PAK5: variants seen among roughly 807,000 people sequenced by gnomAD.
PAK5 encodes the protein serine/threonine-protein kinase PAK 5.
In PAK5, 16 loss-of-function variants were observed where a neutral mutation model predicts 65.9. The ratio of observed to expected loss-of-function variants is 0.24; its 90% CI spans 0.16 to 0.37. The LOEUF (loss-of-function observed/expected upper bound fraction) is 0.37, where lower values mean the gene tolerates loss of function less well. Ranked by LOEUF, PAK5 falls within the 10% of genes least tolerant of loss-of-function variation. The pLI is 1.00. For synonymous variants in PAK5, 371 were observed against 354.9 expected, an observed-to-expected ratio of 1.05 and a Z score of -0.51; for missense variants, 785 against 903.9, an observed-to-expected ratio of 0.87 and a Z score of 1.69.
At chr20:9,556,324 C>T (rs1446930806) in intron 7 of PAK5, among the ~76,000 whole-genome samples, 8 of 152,204 alleles carry the variant, frequency 5.3e-5, no homozygotes, top group Non-Finnish European at 4.4e-5. Context: ...GTCTTATCCT[C>T]TATACTTTTC....
intron 1 of PAK5, among the ~76,000 whole-genome samples, chr20:9,757,050 A>G (rs1465584436): frequency 6.6e-6 from 1 of 152,150 alleles, no homozygotes; most frequent in Non-Finnish European, 1.5e-5. Context: ...AGGATTGAGC[A>G]CCAGTTGTCC....
intron 3 of PAK5, among the ~76,000 whole-genome samples, chr20:9,614,155 A>G (rs2046612939): frequency 6.6e-6 from 1 of 152,238 alleles, no homozygotes; most frequent in South Asian, 2.1e-4. Context: ...TCAAAGTTCT[A>G]AGAAAGAATA....
intron 1 of PAK5, among the ~76,000 whole-genome samples, chr20:9,736,262 G>T (rs2048388603): frequency 6.6e-6 from 1 of 152,094 alleles, no homozygotes; most frequent in Non-Finnish European, 1.5e-5. Context: ...AACAACATAT[G>T]ACCAACCTGT....
intron 4 of PAK5, among the ~76,000 whole-genome samples, chr20:9,574,391 CTTCAAACTCA>C (rs1056558955): frequency 3.3e-5 from 5 of 152,262 alleles, no homozygotes; most frequent in African/African-American, 1.2e-4. Context: ...ACAGTTGCTG[CTTCAAACTCA>C]AAGAATGTGT....
chr20:9,746,210 C>T lies in PAK5; in HGVS notation c.-161-34775G>A, dbSNP rs1236806211. Reference sequence around the variant, plus strand: ...TCATACAGCCATAGCCCTGCCCTGCCCCACACACCCTGGACACCTGTCTCT... The same window carrying T: ...TCATACAGCCATAGCCCTGCCCTGCTCCACACACCCTGGACACCTGTCTCT... On this transcript the variant is annotated intron_variant, in intron 1 of 9. Coordinates refer to ENST00000353224, the MANE Select transcript of PAK5 (RefSeq NM_177990.4). Among the ~76,000 whole-genome samples, 5 of 151,950 alleles carry T rather than the reference C, an allele frequency of 3.3e-5. No homozygotes were observed. In the South Asian group the frequency reaches 1.0e-3, roughly 31 times the overall value.
intron 1 of PAK5, among the ~76,000 whole-genome samples, chr20:9,715,884 C>T (rs193301645): frequency 6.9e-5 from 6 of 87,436 alleles, no homozygotes; most frequent in East Asian, 3.7e-4. Context: ...CATCATACAC[C>T]GGGGCCTGTT....
At chr20:9,628,083 T>C (rs1403158777) in intron 3 of PAK5, among the ~76,000 whole-genome samples, 3 of 152,236 alleles carry the variant, frequency 2.0e-5, no homozygotes, top group African/African-American at 7.2e-5. Context: ...AATATTGTTC[T>C]CTTCTTAAAA....
intron 2 of PAK5, among the ~76,000 whole-genome samples, chr20:9,665,151 C>A (rs2047399708): frequency 7.2e-6 from 1 of 138,988 alleles, no homozygotes; most frequent in Admixed American, 8.1e-5. Flanking sequence ...AACTCCTGGG[C>A]TCAAGAGATC....
intron 1 of PAK5, among the ~76,000 whole-genome samples, chr20:9,754,458 G>A (rs2423464): frequency 2.8e-4 from 43 of 151,824 alleles, no homozygotes; most frequent in Non-Finnish European, 5.3e-4. Context: ...ACCAGATGAA[G>A]TAATTTACTG....
rs555031481 is a variant in PAK5 at position 9,620,572 on chromosome 20, G to A, written c.204+23553C>T. Among the ~76,000 whole-genome samples the A allele has an allele frequency of 1.3e-4, 20 of 152,296 alleles. 1 individual carries two copies. The highest frequency in any genetic ancestry group is 9.8e-4 in the Admixed American group (15 of 15,296). On this transcript the variant is annotated intron_variant, in intron 3 of 9. Transcript: ENST00000353224. ...TCCACCTGGATGGGGAAGAGGTTGC[G>A]CTCTAGCTGCTCATGGGTGGACAGC...
chr20:9,611,841 G>C (rs893227132), intron 3 of PAK5, among the ~76,000 whole-genome samples: 1 of 152,220 alleles, frequency 6.6e-6, no homozygotes, highest in African/African-American at 2.4e-5. Context: ...CTGGGAATCA[G>C]ACAGAGGTGG....
At chr20:9,655,526 T>C (rs1291503257) in intron 2 of PAK5, among the ~76,000 whole-genome samples, 1 of 151,676 alleles carries the variant, frequency 6.6e-6, no homozygotes, top group Non-Finnish European at 1.5e-5. Flanking sequence ...AAAGTCTCCA[T>C]AGCATTTTAT....
intron 1 of PAK5, among the ~76,000 whole-genome samples, chr20:9,819,617 C>T (rs952989926): frequency 5.3e-5 from 8 of 151,976 alleles, no homozygotes; most frequent in Admixed American, 2.0e-4. Context: ...TGATAATGGC[C>T]TCCTGATAAT....
chr20:9,541,391 A>C (rs2045260745), intron 9 of PAK5, among the ~76,000 whole-genome samples: 1 of 152,136 alleles, frequency 6.6e-6, no homozygotes, highest in South Asian at 2.1e-4. Flanking sequence ...CCTAATTGGC[A>C]ATCCTTGGAA....
chr20:9,802,910 G>GTATATACATATATATA (rs2049186855), intron 1 of PAK5, among the ~76,000 whole-genome samples: 1 of 46,364 alleles, frequency 2.2e-5, no homozygotes, highest in Non-Finnish European at 3.9e-5. Flanking sequence ...ATATGTATGT[G>GTATATACATATATATA]TATATATATA....
At chr20:9,817,472 C>G (rs1318130797) in intron 1 of PAK5, among the ~76,000 whole-genome samples, 1 of 152,034 alleles carries the variant, frequency 6.6e-6, no homozygotes, top group South Asian at 2.1e-4. Context: ...GCAGGCCAAA[C>G]AAAATAGGCA....
intron 1 of PAK5, among the ~76,000 whole-genome samples, chr20:9,751,261 C>G (rs530209936): frequency 2.0e-5 from 3 of 152,238 alleles, no homozygotes; most frequent in East Asian, 3.9e-4. Flanking sequence ...TAGATGCTTT[C>G]CATCTCGGGA....
chr20:9,671,366 G>A (rs1408422825), intron 2 of PAK5, among the ~76,000 whole-genome samples: 3 of 152,236 alleles, frequency 2.0e-5, no homozygotes, highest in African/African-American at 7.2e-5. Flanking sequence ...ACCTTGGGCA[G>A]TATGGCCATT....
intron 1 of PAK5, among the ~76,000 whole-genome samples, chr20:9,776,116 T>C (rs996124804): frequency 1.3e-5 from 2 of 152,200 alleles, no homozygotes; most frequent in African/African-American, 4.8e-5. Flanking sequence ...GTGCTTTATA[T>C]ATGCAATTTC....
Sources: allele counts gnomAD v4.1 joint callset (sites outside exome capture counted in the v4.1 genomes callset), GRCh38; gene constraint gnomAD v4.1.1; transcripts MANE v1.5; gene names NCBI Gene and HGNC (gene_info 2026-07-23, HGNC 2026-07-21).